The following ERBB4 variants were observed in gnomAD, a reference collection of about 807,000 sequenced individuals.
ERBB4 encodes receptor tyrosine-protein kinase erbB-4.
ERBB4 carries 42 observed loss-of-function variants against 158.0 expected under a neutral mutation model. That is an observed-to-expected ratio of 0.27 (90% CI 0.21 to 0.34). The LOEUF is 0.34. Ranked by LOEUF, ERBB4 falls within the 10% of genes least tolerant of loss-of-function variation. The pLI, the probability that ERBB4 is intolerant of heterozygous loss-of-function variation, is 1.00. For missense variants in ERBB4, 1,333 were observed against 1,624.1 expected, an observed-to-expected ratio of 0.82 and a Z score of 3.08; for synonymous variants, 583 against 558.7, an observed-to-expected ratio of 1.04 and a Z score of -0.61.
rs191749131 is a variant in ERBB4 at position 212,408,361 on chromosome 2, G to A, written c.82+130088C>T. Among the ~76,000 whole-genome samples, 6 of 152,078 alleles carry A rather than the reference G, an allele frequency of 3.9e-5. No individual in the cohort carries two copies. In the East Asian group the frequency reaches 5.8e-4, roughly 15 times the overall value. ...GCGGTGTTTGGTTTTCTGTTCCTAC[G>A]TTAAGTTTCCTGAGGATAATGGCTA... On this transcript the variant is annotated intron_variant, in intron 1 of 27. Coordinates refer to ENST00000342788, the MANE Select transcript of ERBB4 (RefSeq NM_005235.3).
intron 1 of ERBB4, among the ~76,000 whole-genome samples, chr2:212,463,448 C>T (rs10166052): frequency 0.4 from 61,330 of 151,698 alleles, 12,781 homozygotes; most frequent in African/African-American, 0.46. Context: ...TATCTATCTA[C>T]CATCTCTATA....
At chr2:211,664,004 T>A (rs967210667) in intron 15 of ERBB4, among the ~76,000 whole-genome samples, 12 of 152,120 alleles carry the variant, frequency 7.9e-5, no homozygotes, top group African/African-American at 2.9e-4. Context: ...ACTATTTCAG[T>A]ACCCTAAATG....
At chr2:211,474,347 G>A (rs1026410778) in intron 20 of ERBB4, among the ~76,000 whole-genome samples, 1 of 151,946 alleles carries the variant, frequency 6.6e-6, no homozygotes, top group Non-Finnish European at 1.5e-5. Context: ...TTATACAGAA[G>A]ACAACACTGA....
At chr2:212,153,437 C>T (rs1447366656) in intron 1 of ERBB4, among the ~76,000 whole-genome samples, 1 of 152,138 alleles carries the variant, frequency 6.6e-6, no homozygotes, top group Non-Finnish European at 1.5e-5. Context: ...TTTAAATAAA[C>T]TCCATATTCT....
At chr2:211,573,383 C>G (rs2067792837) in intron 19 of ERBB4, among the ~76,000 whole-genome samples, 1 of 152,084 alleles carries the variant, frequency 6.6e-6, no homozygotes, top group Non-Finnish European at 1.5e-5. Context: ...TAAATTGTTT[C>G]AGAAGCACCA....
chr2:212,308,086 C>T (rs971867519), intron 1 of ERBB4, among the ~76,000 whole-genome samples: 2 of 151,012 alleles, frequency 1.3e-5, no homozygotes, highest in Non-Finnish European at 3.0e-5. Flanking sequence ...AAAATTGATA[C>T]AGAGCTGAAT....
rs191813738 is a variant in ERBB4 at position 211,550,594 on chromosome 2, T to A, written c.2487+11309A>T. Among the ~76,000 whole-genome samples, 695 of 145,264 alleles carry A rather than the reference T, an allele frequency of 4.8e-3. 5 individuals are homozygous for A. The highest frequency in any genetic ancestry group is 0.015 in the African/African-American group (602 of 39,778). On this transcript the variant is annotated intron_variant, in intron 20 of 27. Transcript: ENST00000342788. ...CTTAGAATATATATATATATATATA[T>A]AAATATATAGATATCTATCTCTATA...
chr2:211,701,954 G>A lies in ERBB4; in HGVS notation c.1489+13C>T, dbSNP rs771268913. The A allele has an allele frequency of 2.0e-5, 32 of 1,584,504 alleles. No individual in the cohort carries two copies. The highest frequency in any genetic ancestry group is 2.8e-5 in the Non-Finnish European group (32 of 1,153,178). On this transcript the variant is annotated intron_variant, in intron 12 of 27. Transcript: ENST00000342788. ...AAGTTTCTATGTTTTAAATGTCTGA[G>A]TAATGTACTTACTACAATTTTCAGC...
At chr2:211,405,429 T>C (rs964187214) in intron 25 of ERBB4, among the ~76,000 whole-genome samples, 7 of 152,160 alleles carry the variant, frequency 4.6e-5, no homozygotes, top group African/African-American at 1.4e-4. Flanking sequence ...AGATAAACTT[T>C]TCTACAAATG....
At chr2:212,305,606 C>T (rs956547155) in intron 1 of ERBB4, among the ~76,000 whole-genome samples, 3 of 151,370 alleles carry the variant, frequency 2.0e-5, no homozygotes, top group African/African-American at 7.2e-5. Context: ...ATTTTGAAAA[C>T]ATTTCCAGTA....
chr2:212,500,916 A>C (rs2106239074), intron 1 of ERBB4, among the ~76,000 whole-genome samples: 1 of 152,310 alleles, frequency 6.6e-6, no homozygotes, highest in Middle Eastern at 3.4e-3. Context: ...AAAATATTCT[A>C]ACTCTTCAAT....
At chr2:211,714,520 G>A (rs2073830548) in intron 7 of ERBB4, among the ~76,000 whole-genome samples, 1 of 152,178 alleles carries the variant, frequency 6.6e-6, no homozygotes, top group South Asian at 2.1e-4. Flanking sequence ...AAACCCAAGA[G>A]GCTCTATGAT....
At chr2:212,361,436 A>G (rs999214545) in intron 1 of ERBB4, among the ~76,000 whole-genome samples, 1 of 151,580 alleles carries the variant, frequency 6.6e-6, no homozygotes, top group Non-Finnish European at 1.5e-5. Context: ...GGTTTTGCAT[A>G]TAGGCTGTCT....
At chr2:211,901,151 T>C (rs1442374520) in intron 3 of ERBB4, among the ~76,000 whole-genome samples, 4 of 152,168 alleles carry the variant, frequency 2.6e-5, no homozygotes, top group African/African-American at 4.8e-5. Flanking sequence ...CAAAGAGTGG[T>C]AGGATCATGT....
intron 3 of ERBB4, among the ~76,000 whole-genome samples, chr2:211,908,553 A>C (rs780497320): frequency 2.0e-5 from 3 of 151,796 alleles, no homozygotes; most frequent in Non-Finnish European, 4.4e-5. Context: ...CGGTGAGTGT[A>C]TACCAAATGT....
At chr2:211,964,084 T>G (rs1036166002) in intron 2 of ERBB4, among the ~76,000 whole-genome samples, 1 of 152,124 alleles carries the variant, frequency 6.6e-6, no homozygotes, top group Non-Finnish European at 1.5e-5. Flanking sequence ...CTCTCCTGAG[T>G]CAACTTCATC....
rs551333485 is a variant in ERBB4 at position 212,378,881 on chromosome 2, T to G, written c.82+159568A>C. Among the ~76,000 whole-genome samples, 6 of 151,938 alleles carry G rather than the reference T, an allele frequency of 3.9e-5. No homozygotes were observed. In the South Asian group the frequency reaches 1.2e-3, roughly 31 times the overall value. ...TAAATTTCTGATACTAATAAACTAT[T>G]TAAAACTGATGATTTTAGTTCCATT... On this transcript the variant is annotated intron_variant, in intron 1 of 27. Coordinates refer to ENST00000342788, the MANE Select transcript of ERBB4 (RefSeq NM_005235.3).
At chr2:212,261,335 G>A (rs1056188824) in intron 1 of ERBB4, among the ~76,000 whole-genome samples, 1 of 152,046 alleles carries the variant, frequency 6.6e-6, no homozygotes, top group Non-Finnish European at 1.5e-5. Context: ...TTCAGATGAC[G>A]ACGAACAACT....
intron 19 of ERBB4, among the ~76,000 whole-genome samples, chr2:211,595,853 G>C (rs141070612): frequency 6.6e-6 from 1 of 152,276 alleles, no homozygotes; most frequent in East Asian, 1.9e-4. Context: ...TGTGGGACTT[G>C]AGTATGCGTG....
Sources: allele counts gnomAD v4.1 joint callset (sites outside exome capture counted in the v4.1 genomes callset), GRCh38; gene constraint gnomAD v4.1.1; transcripts MANE v1.5; gene names NCBI Gene and HGNC (gene_info 2026-07-23, HGNC 2026-07-21).